The following TRDN variants were observed in gnomAD, a reference collection of about 807,000 sequenced individuals.
TRDN encodes triadin in skeletal muscle.
TRDN carries 161 observed loss-of-function variants against 149.7 expected under a neutral mutation model. The ratio of observed to expected loss-of-function variants is 1.08; its 90% CI spans 0.95 to 1.23. The LOEUF is 1.23. Ranked by LOEUF, TRDN falls within the 50% of genes most tolerant of loss-of-function variation. TRDN has a pLI of 0.00. For synonymous variants in TRDN, 294 were observed against 250.5 expected (o/e 1.17, Z -1.64); for missense variants, 896 against 823.5 (o/e 1.09, Z -1.08).
At chr6:123,457,240 T>C (rs1776180044) in intron 10 of TRDN, among the ~76,000 whole-genome samples, 1 of 147,816 alleles carries the variant, frequency 6.8e-6, no homozygotes, top group African/African-American at 2.5e-5. Context: ...CTTTTCCTGT[T>C]TCCCGCATCA....
intron 1 of TRDN, among the ~76,000 whole-genome samples, chr6:123,611,092 A>G (rs538308690): frequency 1.3e-5 from 2 of 152,234 alleles, no homozygotes; most frequent in Non-Finnish European, 2.9e-5. Context: ...TACCTTAGTC[A>G]TTTGTGAGCA....
intron 12 of TRDN, among the ~76,000 whole-genome samples, chr6:123,427,339 C>T (rs1338477794): frequency 6.6e-6 from 1 of 151,120 alleles, no homozygotes; most frequent in East Asian, 1.9e-4. Context: ...AAATTTAATA[C>T]AATGATAACA....
intron 8 of TRDN, chr6:123,503,461 A>G: frequency 1.0e-6 from 1 of 985,268 alleles, no homozygotes. Context: ...TCTTTATATG[A>G]TTTCGGATGC....
intron 12 of TRDN, among the ~76,000 whole-genome samples, chr6:123,435,400 G>A (rs1774512195): frequency 6.6e-6 from 1 of 151,962 alleles, no homozygotes; most frequent in Admixed American, 6.6e-5. Flanking sequence ...CCTGCTGTTT[G>A]TAAACCATAT....
At chr6:123,573,876 T>A (rs1583269333) in intron 1 of TRDN, among the ~76,000 whole-genome samples, 1 of 152,076 alleles carries the variant, frequency 6.6e-6, no homozygotes, top group African/African-American at 2.4e-5. Flanking sequence ...GTTTATAAGA[T>A]AATTTTTAAG....
intron 12 of TRDN, among the ~76,000 whole-genome samples, chr6:123,399,104 C>G (rs907203627): frequency 6.6e-6 from 1 of 152,092 alleles, no homozygotes; most frequent in Non-Finnish European, 1.5e-5. Context: ...CTAAAAAAGA[C>G]TATCGCTTCC....
intron 12 of TRDN, among the ~76,000 whole-genome samples, chr6:123,397,399 C>T (rs1314650929): frequency 2.0e-5 from 3 of 152,272 alleles, no homozygotes; most frequent in Admixed American, 6.5e-5. Flanking sequence ...ATTATTTACT[C>T]GTACAACTTC....
chr6:123,349,098 T>G (rs1156753), intron 21 of TRDN, among the ~76,000 whole-genome samples: 106,300 of 152,020 alleles, frequency 0.7, 38,673 homozygotes, highest in East Asian at 0.92. Context: ...GGAATAGTGT[T>G]AGTGGAAAGA....
intron 10 of TRDN, among the ~76,000 whole-genome samples, chr6:123,446,467 C>A (rs1775367597): frequency 6.6e-6 from 1 of 151,154 alleles, no homozygotes; most frequent in South Asian, 2.1e-4. Flanking sequence ...CACCTGTAGC[C>A]CCAGCTGCTC....
intron 24 of TRDN, among the ~76,000 whole-genome samples, chr6:123,315,253 A>G (rs1309888308): frequency 6.6e-6 from 1 of 151,998 alleles, no homozygotes; most frequent in East Asian, 1.9e-4. Context: ...TTCTGAAGAT[A>G]TATCTAAAGT....
chr6:123,224,223 A>C (rs758948743), intron 38 of TRDN, 92 bp from the exon 39 acceptor site: 58 of 1,226,890 alleles, frequency 4.7e-5, no homozygotes, highest in Non-Finnish European at 6.6e-5. Flanking sequence ...AAGAGTCACA[A>C]GATCCCTGAA....
chr6:123,342,182 GCT>G (rs532081022), intron 21 of TRDN, among the ~76,000 whole-genome samples: 16 of 151,882 alleles, frequency 1.1e-4, no homozygotes, highest in African/African-American at 3.1e-4. Flanking sequence ...TCTCTGTCTA[GCT>G]CTTTCAGAAA....
At chr6:123,518,835 C>A (rs1032292679) in intron 5 of TRDN, among the ~76,000 whole-genome samples, 1 of 152,106 alleles carries the variant, frequency 6.6e-6, no homozygotes, top group African/African-American at 2.4e-5. Flanking sequence ...TGGCAGACAG[C>A]CACTGAAGCT....
intron 22 of TRDN, among the ~76,000 whole-genome samples, chr6:123,336,053 T>C (rs1779853826): frequency 6.6e-6 from 1 of 152,024 alleles, no homozygotes; most frequent in South Asian, 2.1e-4. Context: ...TAAGTGTAGT[T>C]ACCCCAATAG....
At position 123,437,381 on chromosome 6, in the gene TRDN, ATTTTT is replaced by A. The variant is rs565538741; in HGVS notation, c.1051+677_1051+681del. 1,121 of 186,036 alleles carry A rather than the reference ATTTTT, an allele frequency of 6.0e-3. 9 individuals are homozygous for A. The East Asian group carries it at 0.074, about 12-fold the overall frequency. The allele number at this position is 186,036 out of a possible 1,614,324, so 11.5% of individuals were successfully genotyped here. On this transcript the variant is annotated intron_variant, in intron 12 of 40. Coordinates refer to ENST00000334268, the MANE Select transcript of TRDN (RefSeq NM_006073.4). ...CTTTCTCTACTTTATTGAGATACAG[ATTTTT>A]TTTTTTTTTTTTTTTTTTTTTTGTA...
At chr6:123,278,879 A>G (rs1777474259) in intron 25 of TRDN, among the ~76,000 whole-genome samples, 177 bp downstream of exon 25, 1 of 152,198 alleles carries the variant, frequency 6.6e-6, no homozygotes, top group African/African-American at 2.4e-5. Flanking sequence ...TTGGTATAGC[A>G]TTTTCTCAGA....
chr6:123,462,057 C>T (rs1456624805), intron 10 of TRDN, among the ~76,000 whole-genome samples: 1 of 152,074 alleles, frequency 6.6e-6, no homozygotes, highest in African/African-American at 2.4e-5. Context: ...TACAAATTTA[C>T]AACAATGACC....
chr6:123,274,657 T>G lies in TRDN; in HGVS notation c.1581A>C (p.Lys527Asn). ...TCATGTTACCTGGTTTTGCTTCTTTTTTAATTTGGGGCTCTGAGGGAGAGA... is the reference window on the plus strand; with the variant it reads ...TCATGTTACCTGGTTTTGCTTCTTTGTTAATTTGGGGCTCTGAGGGAGAGA... ...KKEEKPEPQIKKEAKPAISEK... is the reference protein window; with the variant it reads ...KKEEKPEPQINKEAKPAISEK... Residue 527 changes from lysine to asparagine, a missense_variant, in exon 27 of 41, where the codon AAA becomes AAC. Physicochemically the swap from Lys to Asn is moderately conservative, Grantham distance 94. Transcript: ENST00000334268. 6.2e-7 allele frequency: 1 copy of G among 1,608,752 alleles called. No individual in the cohort carries two copies. The highest frequency in any genetic ancestry group is 8.5e-7 in the Non-Finnish European group (1 of 1,177,136).
At position 123,388,663 on chromosome 6, in the gene TRDN, C is replaced by T. The variant is rs1159969758; in HGVS notation, c.1106-112G>A. On this transcript the variant is annotated intron_variant, in intron 13 of 40. Transcript: ENST00000334268. Reference sequence around the variant, plus strand: ...CATAAATTCAGTGGTCACCTATACACTAATCAATTCATCCAAATCTATGAT... The same window carrying T: ...CATAAATTCAGTGGTCACCTATACATTAATCAATTCATCCAAATCTATGAT... 6 of 1,108,840 alleles carry T rather than the reference C, an allele frequency of 5.4e-6. No homozygotes were observed. In the African/African-American group the frequency reaches 7.7e-5, roughly 14 times the overall value. 68.7% of individuals were successfully genotyped at this position (1,108,840 alleles called of 1,614,324 possible).
Sources: gnomAD v4.1 joint callset for allele counts (sites outside exome capture counted in the v4.1 genomes callset) on GRCh38, gnomAD v4.1.1 for gene constraint, MANE v1.5 for transcripts, NCBI Gene and HGNC (gene_info 2026-07-23, HGNC 2026-07-21) for gene names.